The following KCNQ5 variants were observed in gnomAD, a reference collection of about 807,000 sequenced individuals.
The protein encoded by KCNQ5 is potassium voltage-gated channel subfamily KQT member 5.
A neutral mutation model predicts 98.2 loss-of-function variants in KCNQ5; 30 were observed. The observed-to-expected ratio is 0.31, with a 90% CI of 0.23 to 0.41. KCNQ5 has a LOEUF of 0.41. KCNQ5 is among the 10% of genes least tolerant of loss of function. The probability of loss-of-function intolerance (pLI) is 1.00; values close to 1 mark genes in which losing one functional copy is unlikely to be tolerated. For missense variants in KCNQ5, 835 were observed against 1,182.5 expected (o/e 0.71, Z 4.31); for synonymous variants, 458 against 449.4 (o/e 1.02, Z -0.24).
intron 3 of KCNQ5, among the ~76,000 whole-genome samples, chr6:73,076,406 A>C (rs1195777367): frequency 6.6e-6 from 1 of 152,206 alleles, no homozygotes; most frequent in Non-Finnish European, 1.5e-5. Context: ...AAATTGCCAC[A>C]GGAGGCCATT....
chr6:73,145,130 C>T (rs1352948575), intron 10 of KCNQ5, among the ~76,000 whole-genome samples: 2 of 152,150 alleles, frequency 1.3e-5, no homozygotes, highest in African/African-American at 4.8e-5. Context: ...TTATTTCTCC[C>T]TGTAGTATCC....
rs544800579 is a variant in KCNQ5, at chr6:73,121,142, T to C, written c.1220+565T>C. Among the ~76,000 whole-genome samples the C allele has an allele frequency of 9.2e-5, 14 of 152,308 alleles. No homozygotes were observed. The East Asian group carries it at 2.1e-3, about 23-fold the overall frequency. On this transcript the variant is annotated intron_variant, in intron 8 of 13. Coordinates refer to ENST00000370398, the MANE Select transcript of KCNQ5 (RefSeq NM_019842.4). ...GCAATGGGACCCAGCGGATTAAAATTTGGAATTTGCATTCACAATTTTAAA... is the reference window on the plus strand; with the variant it reads ...GCAATGGGACCCAGCGGATTAAAATCTGGAATTTGCATTCACAATTTTAAA...
intron 10 of KCNQ5, among the ~76,000 whole-genome samples, chr6:73,148,108 A>G (rs747655765): frequency 6.6e-6 from 1 of 152,204 alleles, no homozygotes; most frequent in Non-Finnish European, 1.5e-5. Flanking sequence ...TATGATCAGC[A>G]ATTTTAGCAG....
intron 1 of KCNQ5, among the ~76,000 whole-genome samples, chr6:72,723,735 CAATTTTTCAAAATTTTTCA>C (rs1462496179): frequency 2.0e-5 from 3 of 151,528 alleles, no homozygotes; most frequent in East Asian, 3.9e-4. Flanking sequence ...GATTTTGGAG[CAATTTTTCAAAATTTTTCA>C]AATTTTTCAA....
intron 1 of KCNQ5, among the ~76,000 whole-genome samples, chr6:72,738,185 G>A (rs1174448166): frequency 6.6e-6 from 1 of 151,922 alleles, no homozygotes; most frequent in Non-Finnish European, 1.5e-5. Context: ...TATGGTTTGG[G>A]TGAAAAAACT....
intron 1 of KCNQ5, among the ~76,000 whole-genome samples, chr6:72,812,119 A>G (rs1775271082): frequency 6.6e-6 from 1 of 152,174 alleles, no homozygotes; most frequent in African/African-American, 2.4e-5. Flanking sequence ...AGCAGTGAAG[A>G]TGACCAAAGG....
At chr6:72,628,497 A>G (rs2098919112) in intron 1 of KCNQ5, among the ~76,000 whole-genome samples, 1 of 152,162 alleles carries the variant, frequency 6.6e-6, no homozygotes, top group Non-Finnish European at 1.5e-5. Context: ...TCCTTTTATC[A>G]TTTCCTTTCC....
intron 1 of KCNQ5, among the ~76,000 whole-genome samples, chr6:72,777,180 G>C (rs922148584): frequency 2.6e-5 from 4 of 152,188 alleles, no homozygotes; most frequent in Non-Finnish European, 5.9e-5. Context: ...GTAAGAAATA[G>C]AAAGTTATTG....
At chr6:72,694,706 C>CT (rs1185066684) in intron 1 of KCNQ5, among the ~76,000 whole-genome samples, 6 of 152,092 alleles carry the variant, frequency 3.9e-5, no homozygotes, top group African/African-American at 9.7e-5. Context: ...GGAACTACAC[C>CT]TTTTTTTAAA....
intron 3 of KCNQ5, among the ~76,000 whole-genome samples, chr6:73,064,890 G>A (rs1244269632): frequency 6.6e-6 from 1 of 151,886 alleles, no homozygotes; most frequent in Non-Finnish European, 1.5e-5. Flanking sequence ...TGACTCTCAG[G>A]GGACAAATGC....
chr6:73,189,469 T>C (rs956906390), intron 11 of KCNQ5, among the ~76,000 whole-genome samples: 5 of 152,180 alleles, frequency 3.3e-5, no homozygotes, highest in African/African-American at 1.2e-4. Context: ...TCACCTAAGA[T>C]AGACAATGGA....
At chr6:72,657,457 T>C (rs1360571867) in intron 1 of KCNQ5, among the ~76,000 whole-genome samples, 2 of 152,192 alleles carry the variant, frequency 1.3e-5, no homozygotes, top group African/African-American at 4.8e-5. Context: ...AAATAGATAC[T>C]TTTTCAATGA....
intron 1 of KCNQ5, among the ~76,000 whole-genome samples, chr6:72,783,850 G>C (rs1773605637): frequency 6.6e-6 from 1 of 152,122 alleles, no homozygotes; most frequent in Non-Finnish European, 1.5e-5. Context: ...GGCTGTTTTT[G>C]GATTGGAGGC....
At chr6:72,853,357 C>T (rs192293375) in intron 1 of KCNQ5, among the ~76,000 whole-genome samples, 5 of 152,032 alleles carry the variant, frequency 3.3e-5, no homozygotes, top group South Asian at 2.1e-4. Context: ...TGGGAGGCTG[C>T]GGGGGAGACA....
At chr6:72,637,591 A>C (rs1324527539) in intron 1 of KCNQ5, among the ~76,000 whole-genome samples, 3 of 152,170 alleles carry the variant, frequency 2.0e-5, no homozygotes, top group African/African-American at 4.8e-5. Context: ...CTTTTTATCC[A>C]TCTTTTAAAG....
At chr6:72,698,834 A>G (rs1425307264) in intron 1 of KCNQ5, among the ~76,000 whole-genome samples, 1 of 149,428 alleles carries the variant, frequency 6.7e-6, no homozygotes, top group Non-Finnish European at 1.5e-5. Context: ...TTTTATTTTT[A>G]TTGTTGTAGA....
chr6:72,880,448 G>C (rs907887555), intron 1 of KCNQ5, among the ~76,000 whole-genome samples: 1 of 152,036 alleles, frequency 6.6e-6, no homozygotes, highest in Non-Finnish European at 1.5e-5. Context: ...CCTCCTAAAG[G>C]CCCAACCTCC....
At chr6:72,716,535 T>G (rs144190786) in intron 1 of KCNQ5, among the ~76,000 whole-genome samples, 2 of 152,366 alleles carry the variant, frequency 1.3e-5, no homozygotes, top group African/African-American at 4.8e-5. Flanking sequence ...GGCCTTTAAT[T>G]GTTTCAGGAG....
intron 1 of KCNQ5, among the ~76,000 whole-genome samples, chr6:72,776,848 G>A (rs112763783): frequency 0.033 from 4,974 of 152,212 alleles, 261 homozygotes; most frequent in African/African-American, 0.11. Context: ...ACAGTACAGC[G>A]TAGAAACAAG....
Sources: gnomAD v4.1 joint callset for allele counts (sites outside exome capture counted in the v4.1 genomes callset) on GRCh38, gnomAD v4.1.1 for gene constraint, MANE v1.5 for transcripts, NCBI Gene and HGNC (gene_info 2026-07-23, HGNC 2026-07-21) for gene names.